The following FRMD3 variants were observed in gnomAD, a reference collection of about 807,000 sequenced individuals.
The protein encoded by FRMD3 is FERM domain containing 3.
In FRMD3, 33 loss-of-function variants were observed where a neutral mutation model predicts 70.2. The ratio of observed to expected loss-of-function variants is 0.47; its 90% CI spans 0.36 to 0.63. The LOEUF is 0.63. Among genes scored for constraint, FRMD3 ranks in the 20% least tolerant of loss-of-function variants. The pLI is 0.00. For missense variants in FRMD3, 632 were observed against 711.4 expected, an observed-to-expected ratio of 0.89 and a Z score of 1.27; for synonymous variants, 279 against 255.9, an observed-to-expected ratio of 1.09 and a Z score of -0.86.
At chr9:83,316,148 C>CTTTTTTTTT (rs369641019) in intron 6 of FRMD3, among the ~76,000 whole-genome samples, 9 of 134,484 alleles carry the variant, frequency 6.7e-5, no homozygotes, top group Non-Finnish European at 9.4e-5. Flanking sequence ...TCTTTTTTCT[C>CTTTTTTTTT]TTTTTTTTTT....
intron 3 of FRMD3, among the ~76,000 whole-genome samples, chr9:83,358,825 T>C (rs1311099154): frequency 1.3e-5 from 2 of 152,144 alleles, no homozygotes; most frequent in Middle Eastern, 3.2e-3. Context: ...GATTCAACTG[T>C]GCTGCATTCA....
intron 3 of FRMD3, among the ~76,000 whole-genome samples, chr9:83,352,295 G>C (rs961086224): frequency 1.3e-5 from 2 of 152,174 alleles, no homozygotes; most frequent in Admixed American, 6.5e-5. Flanking sequence ...AAAGTCCCCT[G>C]ACTATCAGCA....
chr9:83,539,187 T>C (rs749785467), upstream of FRMD3, among the ~76,000 whole-genome samples: 3 of 152,168 alleles, frequency 2.0e-5, no homozygotes, highest in Non-Finnish European at 2.9e-5. Context: ...AGAGGTCTAA[T>C]GGCAAAGCGG....
the FRMD3 span, among the ~76,000 whole-genome samples, chr9:83,569,870 C>G: frequency 1.7e-4 from 26 of 152,236 alleles, no homozygotes; most frequent in African/African-American, 6.0e-4. Flanking sequence ...ATTGTATTTC[C>G]CAGAATTCCT....
At position 83,291,424 on chromosome 9, in the gene FRMD3, G is replaced by A. The variant is rs114764062; in HGVS notation, c.1071-697C>T. Among the ~76,000 whole-genome samples, 342 of 152,256 alleles carry A rather than the reference G, an allele frequency of 2.2e-3. 5 individuals are homozygous for A. Among genetic ancestry groups the A allele is most frequent in the African/African-American group, 7.6e-3 (314 of 41,536 alleles). On this transcript the variant is annotated intron_variant, in intron 12 of 13. Coordinates refer to ENST00000304195, the MANE Select transcript of FRMD3 (RefSeq NM_174938.6). ...GCAGAGATACTAGCTGCTTGCCCTAGTCTGCCTGCAGGTGGATGTTTGCAC... is the reference window on the plus strand; with the variant it reads ...GCAGAGATACTAGCTGCTTGCCCTAATCTGCCTGCAGGTGGATGTTTGCAC...
At chr9:83,479,397 AAGG>A (rs1828478280) in intron 1 of FRMD3, among the ~76,000 whole-genome samples, 1 of 118,796 alleles carries the variant, frequency 8.4e-6, no homozygotes, top group Non-Finnish European at 1.8e-5. Context: ...AAAAGGAAGA[AAGG>A]AGGGAGGGAG....
At chr9:83,313,293 T>G (rs373048522) in intron 7 of FRMD3, among the ~76,000 whole-genome samples, 1 of 152,106 alleles carries the variant, frequency 6.6e-6, no homozygotes, top group Admixed American at 6.5e-5. Flanking sequence ...GAAATCTTTC[T>G]TTTTTTTCCT....
At chr9:83,345,336 G>A (rs1406363807) in intron 4 of FRMD3, among the ~76,000 whole-genome samples, 1 of 152,180 alleles carries the variant, frequency 6.6e-6, no homozygotes, top group East Asian at 1.9e-4. Flanking sequence ...ATTGGGTAAG[G>A]ACTCAGACTA....
the FRMD3 span, among the ~76,000 whole-genome samples, chr9:83,547,029 G>A: frequency 1.3e-5 from 2 of 151,476 alleles, no homozygotes; most frequent in East Asian, 3.9e-4. Flanking sequence ...AAGACATTCT[G>A]TGCAAATGGA....
rs1834772297 is a variant in FRMD3, at chr9:83,298,642, A to C, written c.1070+106T>G. ...GAGTGAGATGTCTAAGGAAGTGAGA[A>C]TGTCCTTCTTTAATGCTGTATGTCA... On this transcript the variant is annotated intron_variant, in intron 12 of 13. Transcript: ENST00000304195. 3 of 832,040 alleles carry C rather than the reference A, an allele frequency of 3.6e-6. No individual in the cohort carries two copies. The East Asian group carries it at 7.7e-5, about 21-fold the overall frequency. The allele number at this position is 832,040 out of a possible 1,614,324, so 51.5% of individuals were successfully genotyped here.
At position 83,246,235 on chromosome 9, in the gene FRMD3, T is replaced by C. The variant is rs1222095777; in HGVS notation, c.*1683A>G. 2 of 984,766 alleles carry C rather than the reference T, an allele frequency of 2.0e-6. No individual in the cohort carries two copies. The highest frequency in any genetic ancestry group is 1.2e-4 in the Admixed American group (2 of 16,256). 61.0% of individuals were successfully genotyped at this position (984,766 alleles called of 1,614,324 possible). A position where few individuals can be genotyped will look rare whatever the true frequency, so the allele number is the denominator to read the frequency against. On this transcript the variant is annotated 3_prime_UTR_variant, in exon 14 of 14. Transcript: ENST00000304195. ...CCTGTAACTTTGTACATTAGGGCAG[T>C]GGAATGTTTTCAATCCACAGAGAAG...
At chr9:83,430,790 C>T (rs2131375406) in intron 1 of FRMD3, among the ~76,000 whole-genome samples, 1 of 152,314 alleles carries the variant, frequency 6.6e-6, no homozygotes, top group South Asian at 2.1e-4. Context: ...CTCTTGAAAA[C>T]TCAGCTGACC....
the FRMD3 span, among the ~76,000 whole-genome samples, chr9:83,578,038 T>G: frequency 6.7e-4 from 102 of 151,996 alleles, no homozygotes; most frequent in Middle Eastern, 3.4e-3. Context: ...AGAAAATTAC[T>G]GTGAACACTC....
Position 83,247,441 on chromosome 9 carries a change from A to T in FRMD3, c.*477T>A, listed in dbSNP as rs1832163095. ...AGTTTGAACACATAAAAATATTTTT[A>T]AAAAAACAGAACCAAAAACCCAGCA... On this transcript the variant is annotated 3_prime_UTR_variant, in exon 14 of 14. Coordinates refer to ENST00000304195, the MANE Select transcript of FRMD3 (RefSeq NM_174938.6). The T allele has an allele frequency of 7.1e-6, 7 of 981,120 alleles. No homozygotes were observed. Among genetic ancestry groups the T allele is most frequent in the South Asian group, 9.5e-5 (2 of 21,146 alleles). 60.8% of individuals were successfully genotyped at this position (981,120 alleles called of 1,614,324 possible). A position where few individuals can be genotyped will look rare whatever the true frequency, so the allele number is the denominator to read the frequency against.
chr9:83,553,889 G>A, the FRMD3 span, among the ~76,000 whole-genome samples: 1 of 152,170 alleles, frequency 6.6e-6, no homozygotes, highest in African/African-American at 2.4e-5. Context: ...AAGAACTCCT[G>A]TTGGAGAACT....
At chr9:83,370,455 G>A (rs1307681632) in intron 3 of FRMD3, among the ~76,000 whole-genome samples, 1 of 152,190 alleles carries the variant, frequency 6.6e-6, no homozygotes, top group African/African-American at 2.4e-5. Context: ...CAGGGATTGG[G>A]TGGTGGGTAA....
At chr9:83,316,441 G>C (rs1835582737) in intron 6 of FRMD3, among the ~76,000 whole-genome samples, 1 of 152,116 alleles carries the variant, frequency 6.6e-6, no homozygotes, top group African/African-American at 2.4e-5. Flanking sequence ...GCAGGCATGA[G>C]CCACTTCACC....
At chr9:83,410,262 A>G (rs1826242294) in intron 1 of FRMD3, among the ~76,000 whole-genome samples, 1 of 152,152 alleles carries the variant, frequency 6.6e-6, no homozygotes, top group South Asian at 2.1e-4. Flanking sequence ...GGTACTGAGT[A>G]TAGTACCCAA....
At chr9:83,254,254 T>G (rs2118589659) in intron 13 of FRMD3, among the ~76,000 whole-genome samples, 1 of 152,168 alleles carries the variant, frequency 6.6e-6, no homozygotes, top group East Asian at 1.9e-4. Flanking sequence ...CCCTAGAACT[T>G]AAAGTATGAT....
Sources: gnomAD v4.1 joint callset for allele counts (sites outside exome capture counted in the v4.1 genomes callset) on GRCh38, gnomAD v4.1.1 for gene constraint, MANE v1.5 for transcripts, NCBI Gene and HGNC (gene_info 2026-07-23, HGNC 2026-07-21) for gene names.